CALCOCO1: variants seen among roughly 807,000 people sequenced by gnomAD.
CALCOCO1 encodes the protein calcium-binding and coiled-coil domain-containing protein 1.
A neutral mutation model predicts 86.3 loss-of-function variants in CALCOCO1; 44 were observed. That is an observed-to-expected ratio of 0.51 (90% CI 0.40 to 0.66). The LOEUF is 0.66. Ranked by LOEUF, CALCOCO1 falls within the 30% of genes least tolerant of loss-of-function variation. The pLI is 0.00. For missense variants in CALCOCO1, 708 were observed against 851.1 expected (o/e 0.83, Z 2.09); for synonymous variants, 297 against 327.6 (o/e 0.91, Z 1.01).
chr12:53,725,275 G>T lies in CALCOCO1; in HGVS notation c.-24-9C>A, dbSNP rs1360953885. The T allele has an allele frequency of 9.1e-6, 14 of 1,541,400 alleles. No individual in the cohort carries two copies. Among genetic ancestry groups the T allele is most frequent in the Non-Finnish European group, 1.2e-5 (14 of 1,143,756 alleles). ...TTGAGATATCTGTCCTCCTATGAAA[G>T]AAAGGGTTGATAGCCTAAAGTCTTT... On this transcript the variant is annotated splice_polypyrimidine_tract_variant and intron_variant, in intron 1 of 14. Transcript: ENST00000550804.
rs770702135 is a variant in CALCOCO1, at chr12:53,714,259, A to G, written c.1483-18T>C. The G allele has an allele frequency of 6.3e-7, 1 of 1,592,328 alleles. No homozygotes were observed. The highest frequency in any genetic ancestry group is 2.2e-5 in the East Asian group (1 of 44,720). On this transcript the variant is annotated intron_variant, in intron 11 of 14. Coordinates refer to ENST00000550804, the MANE Select transcript of CALCOCO1 (RefSeq NM_020898.3). ...AGCAATTCCTGGAATTGGGAAGGAA[A>G]AAGGCAGGTGCTAGAGAATGGGAAG...
At chr12:53,712,969 C>T (rs371001908) in intron 14 of CALCOCO1, 131 bp downstream of exon 14, 1 of 1,246,634 alleles carries the variant, frequency 8.0e-7, no homozygotes, top group Non-Finnish European at 1.1e-6. Context: ...TTAACCATAC[C>T]TGTATCTCCT....
chr12:53,719,246 C>A (rs1484011746), intron 7 of CALCOCO1, among the ~76,000 whole-genome samples: 5 of 152,000 alleles, frequency 3.3e-5, no homozygotes, highest in Non-Finnish European at 2.9e-5. Context: ...TCTCTTGAGG[C>A]CAGGCGCAGT....
Position 53,716,459 on chromosome 12 carries a change from G to C in CALCOCO1, c.850-44C>G, listed in dbSNP as rs539946019. 195 of 1,607,776 alleles carry C rather than the reference G, an allele frequency of 1.2e-4. 1 individual carries two copies. The South Asian group carries it at 2.0e-3, about 16-fold the overall frequency. ...AGGTAAGGAAAGGGGTATGTGTGTTGGGGTGGCTCGGGAGGTGAACCATTG... is the reference window on the plus strand; with the variant it reads ...AGGTAAGGAAAGGGGTATGTGTGTTCGGGTGGCTCGGGAGGTGAACCATTG... On this transcript the variant is annotated intron_variant, in intron 7 of 14. Coordinates refer to ENST00000550804, the MANE Select transcript of CALCOCO1 (RefSeq NM_020898.3).
At position 53,716,374 on chromosome 12, in the gene CALCOCO1, A is replaced by T. The variant is rs912870925; in HGVS notation, c.891T>A (p.Asn297Lys). 3.2e-5 allele frequency: 51 copies of T among 1,613,934 alleles called. No homozygotes were observed. The highest frequency in any genetic ancestry group is 4.2e-5 in the Non-Finnish European group (50 of 1,180,008). Residue 297 changes from asparagine to lysine, a missense_variant, in exon 8 of 15, where the codon AAT becomes AAA. Coordinates refer to ENST00000550804, the MANE Select transcript of CALCOCO1 (RefSeq NM_020898.3). ...QVAQQENHHLNLDLKEAKSWQ... is the reference protein window; with the variant it reads ...QVAQQENHHLKLDLKEAKSWQ... ...AGCTCTTCGCCTCCTTCAGGTCCAA[A>T]TTTAAGTGATGGTTCTCCTGTTGTG...
chr12:53,723,589 T>A lies in CALCOCO1; in HGVS notation c.450+4A>T. The A allele has an allele frequency of 6.2e-7, 1 of 1,614,192 alleles. No individual in the cohort carries two copies. The highest frequency in any genetic ancestry group is 8.5e-7 in the Non-Finnish European group (1 of 1,180,028). Reference sequence around the variant, plus strand: ...TGGGAATAACTCTGTTGCTCTTTTCTCACCTGTAACACAGTTGCCTTGGGG... The same window carrying A: ...TGGGAATAACTCTGTTGCTCTTTTCACACCTGTAACACAGTTGCCTTGGGG... On this transcript the variant is annotated splice_donor_region_variant and intron_variant, in intron 4 of 14. Coordinates refer to ENST00000550804, the MANE Select transcript of CALCOCO1 (RefSeq NM_020898.3).
At position 53,716,016 on chromosome 12, in the gene CALCOCO1, C is replaced by G; in HGVS notation, c.1037G>C (p.Arg346Pro). 1 of 1,613,394 alleles carries G rather than the reference C, an allele frequency of 6.2e-7. No homozygotes were observed. Among genetic ancestry groups the G allele is most frequent in the Non-Finnish European group, 8.5e-7 (1 of 1,180,016 alleles). The stretch of plus-strand genomic sequence containing the variant: ...TGAGGCTGCAAGCTCCTGGGCCCCT[C>G]GAAGCTGCTCCTTCAAGGGCTCCAG... ...AELEPLKEQL[R>P]GAQELAASSQ... The change falls in exon 9 of 15, where the codon CGA (arginine) becomes CCA (proline). Residue 346 changes from arginine (R) to proline (P), a missense_variant. By Grantham distance (103) the Arg-to-Pro change is moderately radical (BLOSUM62 -2). Coordinates refer to ENST00000550804, the MANE Select transcript of CALCOCO1 (RefSeq NM_020898.3).
chr12:53,724,461 A>T (rs1945968043), intron 3 of CALCOCO1, 184 bp downstream of exon 3: 1 of 594,118 alleles, frequency 1.7e-6, no homozygotes, highest in Non-Finnish European at 3.0e-6. Flanking sequence ...TATGTCCCTG[A>T]TTCTGCGATA....
intron 5 of CALCOCO1, 77 bp from the exon 6 acceptor site, chr12:53,721,692 A>AAAG (rs1473475273): frequency 6.4e-7 from 1 of 1,560,514 alleles, no homozygotes; most frequent in African/African-American, 1.4e-5. Context: ...GCTTAGGAAG[A>AAAG]GCACACCAGG....
At chr12:53,712,911 G>A in intron 14 of CALCOCO1, 189 bp downstream of exon 14, 1 of 1,404,838 alleles carries the variant, frequency 7.1e-7, no homozygotes, top group Non-Finnish European at 9.7e-7. Context: ...TAGGGGTAGG[G>A]ATTACCTGAA....
rs1050376723 is a variant in CALCOCO1 at position 53,713,620 on chromosome 12, C to T, written c.1791+81G>A. The stretch of plus-strand genomic sequence containing the variant: ...GGCAGAGGCTGCAGTGAGCCAAGAT[C>T]GTGCTGCACTCCAGGCTGGGACACT... On this transcript the variant is annotated intron_variant, in intron 13 of 14. Coordinates refer to ENST00000550804, the MANE Select transcript of CALCOCO1 (RefSeq NM_020898.3). The T allele has an allele frequency of 1.7e-4, 222 of 1,271,008 alleles. 1 individual carries two copies. The Admixed American group carries it at 2.3e-3, about 13-fold the overall frequency. 78.7% of individuals were successfully genotyped at this position (1,271,008 alleles called of 1,614,324 possible).
At chr12:53,727,233 C>A (rs893038079) in intron 1 of CALCOCO1, among the ~76,000 whole-genome samples, 171 bp downstream of exon 1, 5 of 152,176 alleles carry the variant, frequency 3.3e-5, no homozygotes, top group African/African-American at 1.2e-4. Flanking sequence ...CCCCTTGAAA[C>A]CAAGAACTCC....
intron 4 of CALCOCO1, among the ~76,000 whole-genome samples, chr12:53,723,100 A>G (rs1419086992): frequency 2.0e-5 from 3 of 152,194 alleles, no homozygotes; most frequent in Non-Finnish European, 2.9e-5. Flanking sequence ...AATCTGGAGT[A>G]TATTTTACCC....
intron 1 of CALCOCO1, among the ~76,000 whole-genome samples, chr12:53,726,806 T>C (rs1946045539): frequency 6.6e-6 from 1 of 152,094 alleles, no homozygotes; most frequent in Middle Eastern, 3.2e-3. Context: ...TGGGGGTAAA[T>C]TGTCCCCAAA....
chr12:53,715,832 T>C lies in CALCOCO1; in HGVS notation c.1221A>G (p.Gln407=), dbSNP rs756695538. ...GCAGCCCTGCCCGCTCCTTGCTCCA[T>C]TGGCATTTTTCTTCCTTCAAGTGCA... is the stretch of plus-strand genomic sequence containing the variant. The part of the protein sequence containing the change: ...LGLHLKEEKC[Q]WSKERAGLLQ... Residue 407 remains glutamine (Q), a synonymous_variant, in exon 9 of 15, where the codon CAA becomes CAG. Coordinates refer to ENST00000550804, the MANE Select transcript of CALCOCO1 (RefSeq NM_020898.3). 110 of 1,613,936 alleles carry C rather than the reference T, an allele frequency of 6.8e-5. 1 individual carries two copies. The highest frequency in any genetic ancestry group is 6.0e-4 in the South Asian group (55 of 91,084).
rs550113580 is a variant in CALCOCO1, at chr12:53,719,347, G to T, written c.849+392C>A. 2.0e-5 allele frequency among the ~76,000 whole-genome samples: 3 copies of T among 150,672 alleles called. No homozygotes were observed. In the East Asian group the frequency reaches 6.2e-4, roughly 31 times the overall value. ...TCGAGACCAGCCTGCCCAACATGGTGAAACCCTGTCTCTACTAAAAATACA... is the reference window on the plus strand; with the variant it reads ...TCGAGACCAGCCTGCCCAACATGGTTAAACCCTGTCTCTACTAAAAATACA... On this transcript the variant is annotated intron_variant, in intron 7 of 14. Transcript: ENST00000550804.
chr12:53,722,081 C>T lies in CALCOCO1; in HGVS notation c.553G>A (p.Glu185Lys), dbSNP rs201999937. 42 of 1,613,828 alleles carry T rather than the reference C, an allele frequency of 2.6e-5. No individual in the cohort carries two copies. The Admixed American group carries it at 4.8e-4, about 19-fold the overall frequency. ...TGCCTGGCAGTTGCCAGAGCCCTCTCGAGCTCCTGCACTCGGCTCCTCAGC... is the reference window on the plus strand; with the variant it reads ...TGCCTGGCAGTTGCCAGAGCCCTCTTGAGCTCCTGCACTCGGCTCCTCAGC... Reference protein sequence around the residue: ...TELRSRVQELERALATARQEH... With the variant: ...TELRSRVQELKRALATARQEH... Residue 185 changes from glutamate to lysine, a missense_variant, in exon 5 of 15, where the codon GAG (glutamate) becomes AAG (lysine). By Grantham distance (56) the Glu-to-Lys change is moderately conservative. Transcript: ENST00000550804.
At position 53,724,637 on chromosome 12, in the gene CALCOCO1, C is replaced by T. The variant is rs1945974242; in HGVS notation, c.259+8G>A. The T allele has an allele frequency of 6.2e-7, 1 of 1,610,374 alleles. No homozygotes were observed. The highest frequency in any genetic ancestry group is 1.7e-5 in the Admixed American group (1 of 59,910). On this transcript the variant is annotated splice_region_variant and intron_variant, in intron 3 of 14. Coordinates refer to ENST00000550804, the MANE Select transcript of CALCOCO1 (RefSeq NM_020898.3). ...TCCTCTCTCCCAATTTTCCATCTTC[C>T]CTTGTACCTTGGAACTGGACACTGG...
intron 7 of CALCOCO1, among the ~76,000 whole-genome samples, chr12:53,717,640 C>A (rs11170658): frequency 6.6e-6 from 1 of 152,066 alleles, no homozygotes; most frequent in African/African-American, 2.4e-5. Flanking sequence ...TCCACATAAA[C>A]CCAGGGTACT....
Sources: gnomAD v4.1 joint callset for allele counts (sites outside exome capture counted in the v4.1 genomes callset) on GRCh38, gnomAD v4.1.1 for gene constraint, MANE v1.5 for transcripts, NCBI Gene and HGNC (gene_info 2026-07-23, HGNC 2026-07-21) for gene names.